Variants in STARD13 observed in about 807,000 individuals in gnomAD.
The protein encoded by STARD13 is StAR related lipid transfer domain containing 13.
In STARD13, 62 loss-of-function variants were observed where a neutral mutation model predicts 106.4. The ratio of observed to expected loss-of-function variants is 0.58; its 90% confidence interval spans 0.48 to 0.72. The LOEUF is 0.72. STARD13 is among the 30% of genes least tolerant of loss of function. STARD13 has a pLI of 0.00. For missense variants in STARD13, 1,387 were observed against 1,424.0 expected (o/e 0.97, Z 0.42); for synonymous variants, 565 against 553.0 (o/e 1.02, Z -0.31).
At chr13:33,231,730 T>C (rs1323976198) in intron 1 of STARD13, among the ~76,000 whole-genome samples, 1 of 152,214 alleles carries the variant, frequency 6.6e-6, no homozygotes, top group Non-Finnish European at 1.5e-5. Context: ...CTGCAGTCTC[T>C]GTTTCTGACT....
intron 3 of STARD13, among the ~76,000 whole-genome samples, chr13:33,154,853 G>C (rs917010623): frequency 3.3e-5 from 5 of 152,180 alleles, no homozygotes; most frequent in African/African-American, 4.8e-5. Flanking sequence ...AGAACTGAAG[G>C]CTGAGCAAAG....
the STARD13 span, among the ~76,000 whole-genome samples, chr13:33,517,382 T>C: frequency 6.6e-6 from 1 of 152,166 alleles, no homozygotes; most frequent in Non-Finnish European, 1.5e-5. Flanking sequence ...AGTATGCTGG[T>C]CCTGAAGTTA....
chr13:33,442,935 G>T, the STARD13 span, among the ~76,000 whole-genome samples: 1 of 152,154 alleles, frequency 6.6e-6, no homozygotes, highest in Non-Finnish European at 1.5e-5. Flanking sequence ...ATCACAGGAT[G>T]CCAGGGGCCA....
chr13:33,513,208 T>C, the STARD13 span, among the ~76,000 whole-genome samples: 1 of 152,180 alleles, frequency 6.6e-6, no homozygotes, highest in Non-Finnish European at 1.5e-5. Context: ...ATGAGGTTTA[T>C]TCTCCTTGTC....
At chr13:33,600,577 C>G in the STARD13 span, among the ~76,000 whole-genome samples, 3 of 152,180 alleles carry the variant, frequency 2.0e-5, no homozygotes, top group South Asian at 4.1e-4. Flanking sequence ...ATTTGTGAAT[C>G]TTGGTGAAAG....
chr13:33,381,601 G>A, the STARD13 span, among the ~76,000 whole-genome samples: 11 of 152,010 alleles, frequency 7.2e-5, no homozygotes, highest in East Asian at 1.9e-4. Flanking sequence ...TTAGCCAGGC[G>A]TGGTGGCAGG....
chr13:33,305,988 T>A (rs1031922569), intron 1 of STARD13, among the ~76,000 whole-genome samples: 1 of 152,184 alleles, frequency 6.6e-6, no homozygotes, highest in African/African-American at 2.4e-5. Context: ...TTAAAATTTG[T>A]ATGGAGCCAA....
chr13:33,472,118 T>C, the STARD13 span, among the ~76,000 whole-genome samples: 7 of 152,114 alleles, frequency 4.6e-5, no homozygotes, highest in Non-Finnish European at 1.5e-5. Context: ...AATTTGCTTT[T>C]CATAACAAGT....
At chr13:33,406,695 C>T in the STARD13 span, among the ~76,000 whole-genome samples, 1 of 152,154 alleles carries the variant, frequency 6.6e-6, no homozygotes, top group Admixed American at 6.5e-5. Context: ...GACAGCACTT[C>T]AGTACTCTGG....
the STARD13 span, among the ~76,000 whole-genome samples, chr13:33,400,844 A>C: frequency 5.6e-4 from 86 of 152,364 alleles, no homozygotes; most frequent in African/African-American, 1.9e-3. Context: ...AAATGGGTGC[A>C]TTTCAGCACA....
the STARD13 span, among the ~76,000 whole-genome samples, chr13:33,567,380 A>G: frequency 1.3e-5 from 2 of 148,518 alleles, no homozygotes; most frequent in African/African-American, 4.9e-5. Context: ...AACTTACACC[A>G]ACTAAAACAG....
rs17518736 is a variant in STARD13, at chr13:33,194,740, T to C, written c.170-27118A>G. Reference sequence around the variant, plus strand: ...CTCAACCCTCAAATATGGGCTTCTTTGGAGAAAGTGAAAATGGATTTTTAA... The same window carrying C: ...CTCAACCCTCAAATATGGGCTTCTTCGGAGAAAGTGAAAATGGATTTTTAA... On this transcript the variant is annotated intron_variant, in intron 1 of 13. Transcript: ENST00000336934. 6.4e-3 allele frequency among the ~76,000 whole-genome samples: 977 copies of C among 152,352 alleles called. 9 individuals carry two copies. Among genetic ancestry groups the C allele is most frequent in the Non-Finnish European group, 1.0e-2 (677 of 68,026 alleles).
At chr13:33,379,012 A>T in the STARD13 span, among the ~76,000 whole-genome samples, 5 of 152,050 alleles carry the variant, frequency 3.3e-5, no homozygotes, top group Admixed American at 3.3e-4. Flanking sequence ...AGGGAGGCTG[A>T]GGTGAGAGGA....
chr13:33,498,044 A>G, the STARD13 span, among the ~76,000 whole-genome samples: 1 of 152,216 alleles, frequency 6.6e-6, no homozygotes, highest in Non-Finnish European at 1.5e-5. Flanking sequence ...AGTGGCTAAT[A>G]AAAAAGAGCT....
chr13:33,647,977 T>C, the STARD13 span, among the ~76,000 whole-genome samples: 3 of 152,184 alleles, frequency 2.0e-5, no homozygotes, highest in Non-Finnish European at 4.4e-5. Context: ...TAAAGGACAA[T>C]GATACGTGCT....
In STARD13 at chr13:33,316,647, G is replaced by A. The variant is rs535613959; in HGVS notation, c.124+33643C>T. 2.7e-4 allele frequency among the ~76,000 whole-genome samples: 41 copies of A among 152,306 alleles called. 1 individual carries two copies. The highest frequency in any genetic ancestry group is 5.1e-4 in the Non-Finnish European group (35 of 68,028). ...GCTAGGAGCTGAACTCAAAGCTTGTGCTCTTTCCAAGCTATTGTGCTGCCT... is the reference window on the plus strand; with the variant it reads ...GCTAGGAGCTGAACTCAAAGCTTGTACTCTTTCCAAGCTATTGTGCTGCCT... On this transcript the variant is annotated intron_variant, in intron 1 of 5. Coordinates refer to the STARD13 transcript ENST00000567873.
chr13:33,144,296 C>T (rs2138244266), intron 3 of STARD13, among the ~76,000 whole-genome samples: 1 of 152,316 alleles, frequency 6.6e-6, no homozygotes, highest in African/African-American at 2.4e-5. Flanking sequence ...ATAATGTCAT[C>T]TTGAGGCTCT....
At chr13:33,139,464 C>A (rs76864490) in intron 4 of STARD13, among the ~76,000 whole-genome samples, 1 of 152,140 alleles carries the variant, frequency 6.6e-6, no homozygotes, top group Non-Finnish European at 1.5e-5. Flanking sequence ...TTCATAGGTC[C>A]GGCAGTCCCA....
chr13:33,207,164 C>G (rs899990608), intron 1 of STARD13, among the ~76,000 whole-genome samples: 1 of 152,154 alleles, frequency 6.6e-6, no homozygotes, highest in East Asian at 1.9e-4. Flanking sequence ...GAGTAAGGTG[C>G]AGAGTATACA....
Sources: gnomAD v4.1 joint callset for allele counts (sites outside exome capture counted in the v4.1 genomes callset) on GRCh38, gnomAD v4.1.1 for gene constraint, MANE v1.5 for transcripts, NCBI Gene and HGNC (gene_info 2026-07-23, HGNC 2026-07-21) for gene names.